SLC4A4: variants seen among roughly 807,000 people sequenced by gnomAD.
SLC4A4 encodes the protein electrogenic sodium bicarbonate cotransporter 1.
In SLC4A4, 27 loss-of-function variants were observed where a neutral mutation model predicts 111.5. That is an observed-to-expected ratio of 0.24 (90% CI 0.18 to 0.33). The LOEUF (loss-of-function observed/expected upper bound fraction) is 0.33. SLC4A4 is among the 10% of genes least tolerant of loss of function. The probability of loss-of-function intolerance (pLI) is 1.00; values close to 1 mark genes in which losing one functional copy is unlikely to be tolerated. For synonymous variants in SLC4A4, 443 were observed against 463.4 expected, an observed-to-expected ratio of 0.96 and a Z score of 0.57; for missense variants, 909 against 1,315.5, an observed-to-expected ratio of 0.69 and a Z score of 4.78.
At chr4:71,450,681 G>A (rs1725680479) in intron 10 of SLC4A4, 138 bp downstream of exon 10, 3 of 790,258 alleles carry the variant, frequency 3.8e-6, no homozygotes, top group Non-Finnish European at 4.2e-6. Flanking sequence ...TTTCTCAAAT[G>A]GATCACTTAT....
At chr4:71,122,045 C>A (rs1263817169) in intron 2 of SLC4A4, among the ~76,000 whole-genome samples, 2 of 152,060 alleles carry the variant, frequency 1.3e-5, no homozygotes, top group Non-Finnish European at 2.9e-5. Context: ...GACCACGAAC[C>A]CACCAGAAGG....
At chr4:71,287,042 T>C (rs2149097893) in intron 3 of SLC4A4, among the ~76,000 whole-genome samples, 1 of 152,344 alleles carries the variant, frequency 6.6e-6, no homozygotes. Context: ...GAGTTCATGC[T>C]TTCACTCTGG....
At chr4:71,268,700 A>G (rs1476142326) in intron 3 of SLC4A4, among the ~76,000 whole-genome samples, 1 of 152,194 alleles carries the variant, frequency 6.6e-6, no homozygotes, top group Non-Finnish European at 1.5e-5. Flanking sequence ...CAATGACTGT[A>G]ATAAAATGTT....
intron 2 of SLC4A4, among the ~76,000 whole-genome samples, chr4:71,237,996 A>G (rs1719928978): frequency 6.6e-6 from 1 of 152,194 alleles, no homozygotes; most frequent in African/African-American, 2.4e-5. Flanking sequence ...GGAACCCATG[A>G]TGTTAAATCA....
rs1187082320 is a variant in SLC4A4 at position 71,114,394 on chromosome 4, A to G, written c.-2+21602A>G. Among the ~76,000 whole-genome samples the G allele has an allele frequency of 3.3e-5, 5 of 151,322 alleles. No homozygotes were observed. In the East Asian group the frequency reaches 9.8e-4, roughly 30 times the overall value. Reference sequence around the variant, plus strand: ...AAAAGAAACTACCATCAGAGTGAACAGGCAACCTACAAAATGGGAGAAAAT... The same window carrying G: ...AAAAGAAACTACCATCAGAGTGAACGGGCAACCTACAAAATGGGAGAAAAT... On this transcript the variant is annotated intron_variant, in intron 2 of 26. Transcript: ENST00000649996.
Position 71,453,504 on chromosome 4 carries a change from T to G in SLC4A4, c.1332T>G (p.Gly444=). The G allele has an allele frequency of 6.2e-7, 1 of 1,613,890 alleles. No individual in the cohort carries two copies. Among genetic ancestry groups the G allele is most frequent in the South Asian group, 1.1e-5 (1 of 91,074 alleles). Reference sequence around the variant, plus strand: ...CATTCTCTCTGCCCAGGTTCTGTGGTGGACTAATTAAAGACATAAAGAGGA... The same window carrying G: ...CATTCTCTCTGCCCAGGTTCTGTGGGGGACTAATTAAAGACATAAAGAGGA... The part of the protein sequence containing the change: ...EELQRTGRFC[G]GLIKDIKRKA... Residue 444 remains glycine (G), a synonymous_variant, in exon 12 of 26, where the codon GGT becomes GGG. Coordinates refer to ENST00000264485, the MANE Select transcript of SLC4A4 (RefSeq NM_001098484.3).
intron 4 of SLC4A4, among the ~76,000 whole-genome samples, chr4:71,348,497 G>T (rs1365304721): frequency 6.6e-6 from 1 of 152,072 alleles, no homozygotes; most frequent in Non-Finnish European, 1.5e-5. Context: ...CTCCCTTCCT[G>T]CATTTTTGGG....
At position 71,236,629 on chromosome 4, in the gene SLC4A4, G is replaced by A; in HGVS notation, c.53G>A (p.Cys18Tyr). The A allele has an allele frequency of 6.2e-7, 1 of 1,613,862 alleles. No individual in the cohort carries two copies. Among genetic ancestry groups the A allele is most frequent in the Non-Finnish European group, 8.5e-7 (1 of 1,179,782 alleles). The change falls in exon 2 of 26, where the codon TGT becomes TAT. Residue 18 changes from cysteine (C) to tyrosine (Y), a missense_variant. This residue lies in a region of SLC4A4 where 117 missense variants were observed against 154.2 expected (regional missense o/e 0.76). Coordinates refer to ENST00000264485, the MANE Select transcript of SLC4A4 (RefSeq NM_001098484.3). ...GGGGCTTCCTTCCTCAAGCATGTGT[G>A]TGATGAAGAAGAAGTAGAAGGTGAG... ...DRGASFLKHVCDEEEVEGHHT... is the reference protein window; with the variant it reads ...DRGASFLKHVYDEEEVEGHHT...
At chr4:71,443,114 CTCTATATATATA>C (rs1248650968) in intron 8 of SLC4A4, among the ~76,000 whole-genome samples, 2 of 90,296 alleles carry the variant, frequency 2.2e-5, no homozygotes, top group African/African-American at 5.5e-5. Context: ...CTCTCTCTCT[CTCTATATATATA>C]TATATATATA....
chr4:71,313,663 A>G (rs887294382), intron 3 of SLC4A4, among the ~76,000 whole-genome samples: 4 of 152,216 alleles, frequency 2.6e-5, no homozygotes, highest in Non-Finnish European at 5.9e-5. Flanking sequence ...AAAACAAGCA[A>G]TGGGGAAAGG....
chr4:71,227,413 G>A (rs1719122239), intron 1 of SLC4A4, among the ~76,000 whole-genome samples: 1 of 152,126 alleles, frequency 6.6e-6, no homozygotes, highest in Non-Finnish European at 1.5e-5. Context: ...TGGCTTAGAG[G>A]GGAATGAGTT....
At chr4:71,540,490 C>A (rs1734941260) in intron 18 of SLC4A4, among the ~76,000 whole-genome samples, 1 of 152,082 alleles carries the variant, frequency 6.6e-6, no homozygotes, top group East Asian at 1.9e-4. Context: ...GGTTTGTATT[C>A]ATGGAAACAA....
intron 3 of SLC4A4, among the ~76,000 whole-genome samples, chr4:71,263,206 A>C (rs372993245): frequency 6.6e-6 from 1 of 152,066 alleles, no homozygotes; most frequent in East Asian, 1.9e-4. Context: ...TCAATATTTT[A>C]TGTAGTTTAA....
At chr4:71,074,692 G>C (rs1741759919) in intron 1 of SLC4A4, among the ~76,000 whole-genome samples, 1 of 151,682 alleles carries the variant, frequency 6.6e-6, no homozygotes. Flanking sequence ...AAAGAGGGAA[G>C]GGAGCAAGCA....
intron 3 of SLC4A4, among the ~76,000 whole-genome samples, chr4:71,270,214 A>C (rs976789329): frequency 6.6e-6 from 1 of 152,032 alleles, no homozygotes; most frequent in Non-Finnish European, 1.5e-5. Context: ...CAGCCTCCCG[A>C]GTAACTGGGA....
At chr4:71,223,597 C>T (rs1718880293) in intron 1 of SLC4A4, among the ~76,000 whole-genome samples, 1 of 152,082 alleles carries the variant, frequency 6.6e-6, no homozygotes, top group African/African-American at 2.4e-5. Context: ...ACATCTGATT[C>T]CCAAGAATGA....
intron 7 of SLC4A4, among the ~76,000 whole-genome samples, chr4:71,411,293 C>G (rs956135049): frequency 6.6e-6 from 1 of 152,142 alleles, no homozygotes; most frequent in Admixed American, 6.5e-5. Flanking sequence ...GCTTCCTTGT[C>G]CAGGCAACTG....
In SLC4A4 at chr4:71,555,228, T is replaced by A. The variant is rs548704470; in HGVS notation, c.2763+20T>A. ...GTGCAGGTAAGTTTTTGAATAGCAATGTAAGTACAGTAGTGTTTTTCTAGT... is the reference window on the plus strand; with the variant it reads ...GTGCAGGTAAGTTTTTGAATAGCAAAGTAAGTACAGTAGTGTTTTTCTAGT... On this transcript the variant is annotated intron_variant, in intron 21 of 25. Coordinates refer to ENST00000264485, the MANE Select transcript of SLC4A4 (RefSeq NM_001098484.3). The A allele has an allele frequency of 6.0e-6, 9 of 1,508,472 alleles. No individual in the cohort carries two copies. The Admixed American group carries it at 1.0e-4, about 17-fold the overall frequency. The allele number at this position is 1,508,472 out of a possible 1,614,324, so 93.4% of individuals were successfully genotyped here. A position where few individuals can be genotyped will look rare whatever the true frequency, so the allele number is the denominator to read the frequency against.
At chr4:71,064,661 G>A (rs2148927372) in intron 1 of SLC4A4, among the ~76,000 whole-genome samples, 1 of 152,208 alleles carries the variant, frequency 6.6e-6, no homozygotes, top group Admixed American at 6.5e-5. Flanking sequence ...GAAAGAGTGA[G>A]AACCACTTGG....
Sources: gnomAD v4.1 joint callset for allele counts (sites outside exome capture counted in the v4.1 genomes callset) on GRCh38, gnomAD v4.1.1 for gene constraint, gnomAD v4.1.1 regional missense constraint, MANE v1.5 for transcripts, NCBI Gene and HGNC (gene_info 2026-07-23, HGNC 2026-07-21) for gene names.